The following FOXN2 variants were observed in gnomAD, a reference collection of about 807,000 sequenced individuals.
The protein encoded by FOXN2 is forkhead box N2.
Under a neutral mutation model 41.2 loss-of-function variants are expected in FOXN2, and 19 were observed. The ratio of observed to expected loss-of-function variants is 0.46; its 90% CI spans 0.32 to 0.68. FOXN2 has a LOEUF of 0.68. Among genes scored for constraint, FOXN2 ranks in the 30% least tolerant of loss-of-function variants. The pLI is 0.03. For missense variants in FOXN2, 587 were observed against 509.4 expected, an observed-to-expected ratio of 1.15 and a Z score of -1.47; for synonymous variants, 195 against 176.8, an observed-to-expected ratio of 1.10 and a Z score of -0.82.
intron 1 of FOXN2, among the ~76,000 whole-genome samples, chr2:48,322,885 A>C (rs1669427300): frequency 6.7e-6 from 1 of 150,040 alleles, no homozygotes; most frequent in Non-Finnish European, 1.5e-5. Flanking sequence ...TATTGTTTAT[A>C]GGGATGTTAT....
rs531749327 is a variant in FOXN2, at chr2:48,321,517, C to G, written c.-157+6703C>G. On this transcript the variant is annotated intron_variant, in intron 1 of 6. Coordinates refer to ENST00000340553, the MANE Select transcript of FOXN2 (RefSeq NM_002158.4). ...CCCCACTGCACTCCAGCCTGGGCGA[C>G]AGAGCAACACTCCATCTCAAAAAAA... Among the ~76,000 whole-genome samples, 163 of 151,916 alleles carry G rather than the reference C, an allele frequency of 1.1e-3. 1 individual carries two copies. The highest frequency in any genetic ancestry group is 6.2e-4 in the Non-Finnish European group (42 of 67,986).
intron 5 of FOXN2, among the ~76,000 whole-genome samples, chr2:48,364,830 C>T (rs567138851): frequency 6.4e-4 from 97 of 152,350 alleles, no homozygotes; most frequent in African/African-American, 2.3e-3. Flanking sequence ...CATATTATAT[C>T]CTGGGTTTTG....
Position 48,375,476 on chromosome 2 carries a change from T to A in FOXN2, c.*33T>A. 2.6e-6 allele frequency: 4 copies of A among 1,549,320 alleles called. No homozygotes were observed. Among genetic ancestry groups the A allele is most frequent in the Non-Finnish European group, 3.5e-6 (4 of 1,148,272 alleles). ...TAAAGTGTGGCAATACTCTTTCACT[T>A]AATTCTTTACAAGGGATATCAAAGC... On this transcript the variant is annotated 3_prime_UTR_variant, in exon 7 of 7. Transcript: ENST00000340553.
At chr2:48,344,455 G>A (rs1380151990) in intron 2 of FOXN2, among the ~76,000 whole-genome samples, 4 of 152,118 alleles carry the variant, frequency 2.6e-5, no homozygotes, top group African/African-American at 9.7e-5. Flanking sequence ...TTTTGTTTCT[G>A]GAGTCAGTCT....
Position 48,346,204 on chromosome 2 carries a change from T to C in FOXN2, c.-11T>C. ...ATAATTGTTTCCTTTGTTGCAGAAC[T>C]GTAAGAGTAAATGGGTCCAGTAATT... On this transcript the variant is annotated 5_prime_UTR_variant, in exon 3 of 7. Transcript: ENST00000340553. 1.3e-6 allele frequency: 2 copies of C among 1,582,978 alleles called. No homozygotes were observed. The highest frequency in any genetic ancestry group is 1.7e-6 in the Non-Finnish European group (2 of 1,167,144).
Position 48,322,167 on chromosome 2 carries a change from C to G in FOXN2, c.-156-6394C>G, listed in dbSNP as rs182546832. ...TTCACCGTGTTGGCCAGGCTGGTCT[C>G]GAACTCCTGACCTCAGGTGATCTGC... On this transcript the variant is annotated intron_variant, in intron 1 of 6. Transcript: ENST00000340553. Among the ~76,000 whole-genome samples the G allele has an allele frequency of 4.5e-3, 684 of 152,216 alleles. 3 individuals carry two copies. Among genetic ancestry groups the G allele is most frequent in the African/African-American group, 0.015 (638 of 41,528 alleles).
chr2:48,355,352 AATC>A (rs1671722728), intron 3 of FOXN2, among the ~76,000 whole-genome samples: 1 of 152,198 alleles, frequency 6.6e-6, no homozygotes, highest in Non-Finnish European at 1.5e-5. Flanking sequence ...AAAGGAGAGA[AATC>A]ATCTTACAAT....
intron 2 of FOXN2, among the ~76,000 whole-genome samples, chr2:48,333,523 A>G (rs1445570210): frequency 6.6e-6 from 1 of 152,112 alleles, no homozygotes; most frequent in Middle Eastern, 3.2e-3. Context: ...GAGACTTACA[A>G]GTATTTGTTG....
chr2:48,351,921 A>G (rs1437348599), intron 3 of FOXN2, among the ~76,000 whole-genome samples: 2 of 152,234 alleles, frequency 1.3e-5, no homozygotes, highest in East Asian at 3.8e-4. Context: ...CCAAAGGGCA[A>G]TAGTATATTC....
intron 5 of FOXN2, among the ~76,000 whole-genome samples, chr2:48,369,651 CTTG>C (rs1406373819): frequency 6.6e-6 from 1 of 152,078 alleles, no homozygotes; most frequent in Non-Finnish European, 1.5e-5. Context: ...AATGCATTTT[CTTG>C]TTAGATTATT....
chr2:48,327,451 C>CTT (rs201892853), intron 1 of FOXN2, among the ~76,000 whole-genome samples: 1 of 147,138 alleles, frequency 6.8e-6, no homozygotes, highest in Admixed American at 6.8e-5. Flanking sequence ...TGGAGATAGT[C>CTT]TTTTTTTTTT....
intron 6 of FOXN2, among the ~76,000 whole-genome samples, chr2:48,373,705 C>A (rs1017245147): frequency 1.9e-4 from 29 of 152,026 alleles, no homozygotes; most frequent in African/African-American, 7.0e-4. Flanking sequence ...CTTTAAGATA[C>A]AAAATGCAAA....
At chr2:48,351,692 C>T (rs1671459882) in intron 3 of FOXN2, among the ~76,000 whole-genome samples, 1 of 152,084 alleles carries the variant, frequency 6.6e-6, no homozygotes, top group Non-Finnish European at 1.5e-5. Flanking sequence ...AATGCATGGG[C>T]TGATCGGACA....
intron 3 of FOXN2, among the ~76,000 whole-genome samples, chr2:48,347,160 C>A (rs1389679598): frequency 6.6e-6 from 1 of 150,896 alleles, no homozygotes; most frequent in East Asian, 1.9e-4. Context: ...TTTTCTTTTC[C>A]ACTTTTCCTG....
intron 2 of FOXN2, among the ~76,000 whole-genome samples, chr2:48,328,927 A>G (rs187479121): frequency 6.6e-6 from 1 of 152,318 alleles, no homozygotes; most frequent in Admixed American, 6.5e-5. Flanking sequence ...TTGAGATAAT[A>G]GAACTTTATA....
At chr2:48,332,153 G>T (rs1400494006) in intron 2 of FOXN2, among the ~76,000 whole-genome samples, 1 of 152,048 alleles carries the variant, frequency 6.6e-6, no homozygotes, top group African/African-American at 2.4e-5. Context: ...TACATTTGTT[G>T]CTGTGTCTTT....
At chr2:48,370,449 C>T (rs1672816088) in intron 5 of FOXN2, among the ~76,000 whole-genome samples, 1 of 152,182 alleles carries the variant, frequency 6.6e-6, no homozygotes, top group Non-Finnish European at 1.5e-5. Context: ...ATCATTCTTT[C>T]TCTCCCTGAG....
intron 5 of FOXN2, 50 bp downstream of exon 5, chr2:48,362,757 C>A: frequency 6.9e-7 from 1 of 1,450,714 alleles, no homozygotes; most frequent in South Asian, 1.1e-5. Flanking sequence ...ATCTTTTGGT[C>A]AACAACAGGC....
intron 2 of FOXN2, among the ~76,000 whole-genome samples, chr2:48,342,259 A>G (rs981782451): frequency 6.6e-6 from 1 of 152,102 alleles, no homozygotes; most frequent in African/African-American, 2.4e-5. Flanking sequence ...AATGGCTACT[A>G]AATATTAGAT....
Sources: gnomAD v4.1 joint callset for allele counts (sites outside exome capture counted in the v4.1 genomes callset) on GRCh38, gnomAD v4.1.1 for gene constraint, MANE v1.5 for transcripts, NCBI Gene and HGNC (gene_info 2026-07-23, HGNC 2026-07-21) for gene names.